The following SORBS2 variants were observed in gnomAD, a reference collection of about 807,000 sequenced individuals.
SORBS2 encodes the protein sorbin and SH3 domain-containing protein 2.
A neutral mutation model predicts 97.7 loss-of-function variants in SORBS2; 46 were observed. That is an observed-to-expected ratio of 0.47 (90% CI 0.37 to 0.60). The LOEUF (loss-of-function observed/expected upper bound fraction) is 0.60, where lower values mean the gene tolerates loss of function less well. Among genes scored for constraint, SORBS2 ranks in the 20% least tolerant of loss-of-function variants. SORBS2 has a pLI of 0.00. For missense variants in SORBS2, 1,316 were observed against 1,282.3 expected (o/e 1.03, Z -0.40); for synonymous variants, 476 against 473.4 (o/e 1.01, Z -0.07).
intron 4 of SORBS2, chr4:185,665,816 G>A (rs1453324077): frequency 8.9e-7 from 1 of 1,128,276 alleles, no homozygotes; most frequent in South Asian, 2.0e-5. Context: ...GTCTCAGAAC[G>A]GCCAGTGGTG....
intron 1 of SORBS2, among the ~76,000 whole-genome samples, chr4:185,655,319 G>A (rs576981645): frequency 2.6e-4 from 40 of 152,186 alleles, no homozygotes; most frequent in Admixed American, 5.2e-4. Flanking sequence ...TGACAGTACC[G>A]CCTTTGGCAA....
chr4:185,672,364 C>CA (rs143838328), intron 4 of SORBS2, among the ~76,000 whole-genome samples: 1,946 of 152,346 alleles, frequency 0.013, 23 homozygotes, highest in Middle Eastern at 0.031. Context: ...ACAAGCTTAT[C>CA]TTCCTGAAGC....
chr4:185,804,552 T>C (rs1390791266), intron 1 of SORBS2, among the ~76,000 whole-genome samples: 1 of 152,240 alleles, frequency 6.6e-6, no homozygotes, highest in Non-Finnish European at 1.5e-5. Context: ...AAAATGTTTC[T>C]GAGAAATTCC....
chr4:185,718,752 T>A (rs2153557879), intron 2 of SORBS2, among the ~76,000 whole-genome samples: 1 of 152,314 alleles, frequency 6.6e-6, no homozygotes, highest in Middle Eastern at 3.4e-3. Flanking sequence ...TGGGTGAGTG[T>A]CTTTAGGCAT....
chr4:185,730,177 C>G (rs1248794953), intron 2 of SORBS2, among the ~76,000 whole-genome samples: 2 of 152,036 alleles, frequency 1.3e-5, no homozygotes, highest in African/African-American at 2.4e-5. Flanking sequence ...TGGTCTCGAT[C>G]TGTGAAGTTT....
chr4:185,881,704 T>C (rs1268328748), intron 1 of SORBS2, among the ~76,000 whole-genome samples: 5 of 152,192 alleles, frequency 3.3e-5, no homozygotes, highest in Admixed American at 6.5e-5. Flanking sequence ...GGTGTGAGGA[T>C]TGATTCTTTC....
chr4:185,694,896 G>A (rs568197330), intron 2 of SORBS2, among the ~76,000 whole-genome samples: 168 of 151,446 alleles, frequency 1.1e-3, no homozygotes, highest in Admixed American at 2.4e-3. Context: ...TAGTAGAGAC[G>A]GGGTTTTACC....
chr4:185,733,781 G>T (rs902389246), intron 2 of SORBS2, among the ~76,000 whole-genome samples: 3 of 152,138 alleles, frequency 2.0e-5, no homozygotes, highest in Non-Finnish European at 4.4e-5. Context: ...CACTCTGGGA[G>T]AAAAAAGCGA....
chr4:185,758,483 A>C (rs534389955), intron 2 of SORBS2, among the ~76,000 whole-genome samples: 32 of 152,198 alleles, frequency 2.1e-4, no homozygotes, highest in South Asian at 1.2e-3. Flanking sequence ...TTAGCCTTGA[A>C]GTTTCTTAGC....
rs1038805810 is a variant in SORBS2, at chr4:185,698,493, A to C, written c.-197-19671T>G. The stretch of plus-strand genomic sequence containing the variant: ...GGGTGACAGAGCAAGACTCCATCTC[A>C]AAAAAATGAAACAAAACAAAACAAA... On this transcript the variant is annotated intron_variant, in intron 2 of 20. Coordinates refer to the SORBS2 transcript ENST00000284776. Among the ~76,000 whole-genome samples, 3 of 65,894 alleles carry C rather than the reference A, an allele frequency of 4.6e-5. 1 individual carries two copies. The allele number at this position is 65,894 out of a possible 152,430, so 43.2% of individuals were successfully genotyped here.
intron 2 of SORBS2, among the ~76,000 whole-genome samples, chr4:185,726,415 A>G (rs976379823): frequency 6.6e-6 from 1 of 152,182 alleles, no homozygotes; most frequent in African/African-American, 2.4e-5. Flanking sequence ...TGCAATAAAT[A>G]TGGGTTAAAT....
chr4:185,780,474 T>C (rs991283111), intron 1 of SORBS2, among the ~76,000 whole-genome samples: 6 of 152,196 alleles, frequency 3.9e-5, no homozygotes, highest in African/African-American at 1.4e-4. Context: ...CTGAACAATG[T>C]AATGCATGCA....
intron 2 of SORBS2, among the ~76,000 whole-genome samples, chr4:185,718,067 C>T (rs1315348694): frequency 6.6e-6 from 1 of 152,070 alleles, no homozygotes; most frequent in African/African-American, 2.4e-5. Context: ...CCCATCTCTA[C>T]TACAAATACA....
intron 1 of SORBS2, among the ~76,000 whole-genome samples, chr4:185,878,989 C>T (rs1452218343): frequency 6.6e-6 from 1 of 152,086 alleles, no homozygotes; most frequent in Non-Finnish European, 1.5e-5. Context: ...GCTTTCTATC[C>T]GTTACTCGGC....
intron 1 of SORBS2, among the ~76,000 whole-genome samples, chr4:185,823,186 T>G (rs1396798117): frequency 6.6e-6 from 1 of 152,236 alleles, no homozygotes. Context: ...CGGCCTCCTT[T>G]TCCCCTTTAT....
chr4:185,900,170 A>G (rs1165658135), intron 1 of SORBS2, among the ~76,000 whole-genome samples: 1 of 152,236 alleles, frequency 6.6e-6, no homozygotes, highest in Non-Finnish European at 1.5e-5. Flanking sequence ...AAGATAGCTA[A>G]AAGAAATTTA....
chr4:185,942,134 T>C (rs1175886810), intron 1 of SORBS2, among the ~76,000 whole-genome samples: 1 of 151,870 alleles, frequency 6.6e-6, no homozygotes, highest in African/African-American at 2.4e-5. Context: ...AACAAAAAAC[T>C]AAGACTTGGA....
chr4:185,782,192 A>G (rs2099034611), intron 1 of SORBS2, among the ~76,000 whole-genome samples: 1 of 152,272 alleles, frequency 6.6e-6, no homozygotes, highest in Admixed American at 6.5e-5. Context: ...CTGATCATGT[A>G]AAAAGCAAAA....
chr4:185,744,494 T>G (rs4362866), intron 2 of SORBS2, among the ~76,000 whole-genome samples: 1 of 152,222 alleles, frequency 6.6e-6, no homozygotes, highest in East Asian at 1.9e-4. Flanking sequence ...TGGTTGAATT[T>G]CATAGAAGAA....
Sources: gnomAD v4.1 joint callset for allele counts (sites outside exome capture counted in the v4.1 genomes callset) on GRCh38, gnomAD v4.1.1 for gene constraint, MANE v1.5 for transcripts, NCBI Gene and HGNC (gene_info 2026-07-23, HGNC 2026-07-21) for gene names.